TNS4: variants seen among roughly 807,000 people sequenced by gnomAD.
The protein encoded by TNS4 is tensin 4.
A neutral mutation model predicts 70.4 loss-of-function variants in TNS4; 46 were observed. That is an observed-to-expected ratio of 0.65 (90% CI 0.52 to 0.84). The LOEUF is 0.84. TNS4 is among the 40% of genes least tolerant of loss of function. The pLI is 0.00. For synonymous variants in TNS4, 390 were observed against 366.6 expected (o/e 1.06, Z -0.73); for missense variants, 863 against 907.0 (o/e 0.95, Z 0.62).
In TNS4 at chr17:40,477,326, A is replaced by G; in HGVS notation, c.*262T>C. 4.4e-6 allele frequency: 2 copies of G among 451,666 alleles called. No individual in the cohort carries two copies. Among genetic ancestry groups the G allele is most frequent in the Admixed American group, 7.4e-5 (2 of 27,048 alleles). The allele number at this position is 451,666 out of a possible 1,614,324, so 28.0% of individuals were successfully genotyped here. ...TTCAGAATCATGGAGGAGCATGTTC[A>G]AATGCCCACCAGCATCTAAGAACAG... is the stretch of plus-strand genomic sequence containing the variant. On this transcript the variant is annotated 3_prime_UTR_variant, in exon 13 of 13. Coordinates refer to ENST00000254051, the MANE Select transcript of TNS4 (RefSeq NM_032865.6).
Position 40,496,408 on chromosome 17 carries a change from G to A in TNS4, c.18C>T (p.Ser6=). Residue 6 remains serine, a synonymous_variant, in exon 2 of 13, where the codon TCC becomes TCT. Transcript: ENST00000254051. Reference sequence around the variant, plus strand: ...CATGGCCTCCTGCCAGCAGTGGGCTGGACATCACCTGGGACATGGTGGGGG... The same window carrying A: ...CATGGCCTCCTGCCAGCAGTGGGCTAGACATCACCTGGGACATGGTGGGGG... The part of the protein sequence containing the change: MSQVM[S]SPLLAGGHAV... 1 of 1,612,610 alleles carries A rather than the reference G, an allele frequency of 6.2e-7. No homozygotes were observed. Among genetic ancestry groups the A allele is most frequent in the Non-Finnish European group, 8.5e-7 (1 of 1,179,894 alleles).
Position 40,477,468 on chromosome 17 carries a change from C to G in TNS4, c.*120G>C. On this transcript the variant is annotated 3_prime_UTR_variant, in exon 13 of 13. Coordinates refer to ENST00000254051, the MANE Select transcript of TNS4 (RefSeq NM_032865.6). Reference sequence around the variant, plus strand: ...CAAGGGTGTCAACTTGATGCCAATCCCCCTAGTCCCATAGATTGGTCTGTC... The same window carrying G: ...CAAGGGTGTCAACTTGATGCCAATCGCCCTAGTCCCATAGATTGGTCTGTC... 1 of 1,360,860 alleles carries G rather than the reference C, an allele frequency of 7.3e-7. No individual in the cohort carries two copies. 84.3% of individuals were successfully genotyped at this position (1,360,860 alleles called of 1,614,324 possible).
chr17:40,501,491 G>A (rs953117972), intron 1 of TNS4, 43 bp downstream of exon 1: 6 of 151,200 alleles, frequency 4.0e-5, no homozygotes, highest in Non-Finnish European at 7.4e-5. Flanking sequence ...GGCCAGCAAA[G>A]GTGCTCCGTG....
In TNS4 at chr17:40,480,752, A is replaced by T. The variant is rs1373764861; in HGVS notation, c.1689T>A (p.Asp563Glu). The change falls in exon 9 of 13, where the codon GAT becomes GAA. Residue 563 changes from aspartate to glutamate, a missense_variant. Asp to Glu is a conservative substitution (Grantham distance 45). Transcript: ENST00000254051. ...GGCTGTCTGTAGAGTCCGAGGCCCC[A>T]TCTGCACCTCCCAGTTCTGAGCCAA... Reference protein sequence around the residue: ...TIPQRELGGADGASDSTDSPA... With the variant: ...TIPQRELGGAEGASDSTDSPA... 1.2e-6 allele frequency: 2 copies of T among 1,601,146 alleles called. No homozygotes were observed. Among genetic ancestry groups the T allele is most frequent in the African/African-American group, 2.7e-5 (2 of 74,032 alleles).
rs781758030 is a variant in TNS4 at position 40,496,240 on chromosome 17, G to C, written c.186C>G (p.Pro62=). Residue 62 remains proline, a synonymous_variant, in exon 2 of 13, where the codon CCC becomes CCG. Transcript: ENST00000254051. ...GTGGGGCTTGCTGGAGTCGGCCAGG[G>C]GGCCCCATGCAGGGCACGGGGGCCA... ...ALMAPVPCMG[P]PGRLQQAPQV... is the part of the protein sequence containing the mutation. 3.8e-6 allele frequency: 6 copies of C among 1,594,892 alleles called. No homozygotes were observed. Among genetic ancestry groups the C allele is most frequent in the Non-Finnish European group, 5.1e-6 (6 of 1,171,146 alleles).
intron 2 of TNS4, among the ~76,000 whole-genome samples, chr17:40,492,142 C>T (rs1240051728): frequency 2.0e-5 from 3 of 152,164 alleles, no homozygotes; most frequent in East Asian, 1.9e-4. Context: ...TGCCTCCAAA[C>T]GGATGGATTC....
chr17:40,485,875 T>C (rs1328008176), intron 4 of TNS4, among the ~76,000 whole-genome samples: 1 of 152,242 alleles, frequency 6.6e-6, no homozygotes, highest in African/African-American at 2.4e-5. Flanking sequence ...TGATTTGTCC[T>C]AGGAAAGCGA....
intron 10 of TNS4, among the ~76,000 whole-genome samples, 164 bp from the exon 11 acceptor site, chr17:40,478,812 C>T (rs749907): frequency 0.24 from 37,210 of 152,176 alleles, 6,446 homozygotes; most frequent in African/African-American, 0.49. Context: ...GGGGCCCTGG[C>T]GCCCCGCTCC....
chr17:40,481,475 CT>C (rs548763806), intron 8 of TNS4, among the ~76,000 whole-genome samples: 27 of 152,314 alleles, frequency 1.8e-4, no homozygotes, highest in Admixed American at 1.6e-3. Flanking sequence ...AGTGATTCTC[CT>C]GCCTCAGCCT....
intron 5 of TNS4, 45 bp downstream of exon 5, chr17:40,484,876 G>A: frequency 2.5e-6 from 4 of 1,601,166 alleles, no homozygotes; most frequent in East Asian, 2.2e-5. Context: ...GATGCAAAGT[G>A]CAAGACCCAG....
intron 2 of TNS4, among the ~76,000 whole-genome samples, chr17:40,495,681 C>A (rs999549360): frequency 1.3e-5 from 2 of 152,124 alleles, no homozygotes; most frequent in Admixed American, 1.3e-4. Flanking sequence ...TTATTGAGCT[C>A]TTCTTTATGG....
At position 40,496,220 on chromosome 17, in the gene TNS4, G is replaced by T. The variant is rs724159926; in HGVS notation, c.206C>A (p.Ala69Asp). Residue 69 changes from alanine to aspartate, a missense_variant, in exon 2 of 13, where the codon GCC (alanine) becomes GAC (aspartate). Physicochemically the swap from Ala to Asp is moderately radical, Grantham distance 126. Coordinates refer to ENST00000254051, the MANE Select transcript of TNS4 (RefSeq NM_032865.6). ...CMGPPGRLQQ[A>D]PQVEAKATCF... is the part of the protein sequence containing the mutation. ...GGTGGCTTTGGCCTCCACCTGTGGG[G>T]CTTGCTGGAGTCGGCCAGGGGGCCC... The T allele has an allele frequency of 1.3e-6, 2 of 1,598,968 alleles. No individual in the cohort carries two copies. The highest frequency in any genetic ancestry group is 8.5e-7 in the Non-Finnish European group (1 of 1,173,008).
chr17:40,490,899 G>A (rs1316823129), intron 2 of TNS4, among the ~76,000 whole-genome samples: 1 of 152,202 alleles, frequency 6.6e-6, no homozygotes, highest in East Asian at 1.9e-4. Context: ...CCGGGAGCCT[G>A]GCCCATGGTG....
intron 2 of TNS4, among the ~76,000 whole-genome samples, chr17:40,492,492 C>T (rs773991421): frequency 6.6e-6 from 1 of 152,140 alleles, no homozygotes; most frequent in Non-Finnish European, 1.5e-5. Context: ...CCTCAGCCTC[C>T]CAATAGTTGG....
chr17:40,477,822 T>G, intron 12 of TNS4, 93 bp from the exon 13 acceptor site: 1 of 1,234,084 alleles, frequency 8.1e-7, no homozygotes, highest in Non-Finnish European at 1.2e-6. Flanking sequence ...AGCCTGCATC[T>G]CATTCCTCCC....
At chr17:40,485,949 G>T (rs752618595) in intron 4 of TNS4, among the ~76,000 whole-genome samples, 1 of 152,224 alleles carries the variant, frequency 6.6e-6, no homozygotes, top group African/African-American at 2.4e-5. Context: ...ACATGGCTTC[G>T]TGAGTGGGAG....
In TNS4 at chr17:40,496,157, GTCCCCAAGGCCT is replaced by G. The variant is rs1347852840; in HGVS notation, c.257_268del (p.Lys86_Gly89del). The G allele has an allele frequency of 2.5e-6, 4 of 1,610,314 alleles. No individual in the cohort carries two copies. The highest frequency in any genetic ancestry group is 3.4e-6 in the Non-Finnish European group (4 of 1,178,162). ...AATGTAGGAGTCAAGGTCCTCTGGG[GTCCCCAAGGCCT>G]TCTCACCAGGGGACGGCAGGAAGCA... On this transcript the variant is annotated inframe_deletion, in exon 2 of 13. Coordinates refer to ENST00000254051, the MANE Select transcript of TNS4 (RefSeq NM_032865.6).
At chr17:40,490,305 G>C (rs1404478449) in intron 2 of TNS4, among the ~76,000 whole-genome samples, 1 of 152,250 alleles carries the variant, frequency 6.6e-6, no homozygotes, top group Non-Finnish European at 1.5e-5. Context: ...GCAGTGGGCT[G>C]CTCTGAGGTT....
Position 40,496,328 on chromosome 17 carries a change from C to A in TNS4, c.98G>T (p.Ser33Ile). 6.2e-7 allele frequency: 1 copy of A among 1,613,564 alleles called. No individual in the cohort carries two copies. Among genetic ancestry groups the A allele is most frequent in the Non-Finnish European group, 8.5e-7 (1 of 1,179,864 alleles). The change falls in exon 2 of 13, where the codon AGC becomes ATC. Residue 33 changes from serine (S) to isoleucine (I), a missense_variant. Coordinates refer to ENST00000254051, the MANE Select transcript of TNS4 (RefSeq NM_032865.6). ...AGAACACTGGGGTGGCAGGCTGGGGCTGGGTGCTGGGTGCAGGGTCCTCCT... is the reference window on the plus strand; with the variant it reads ...AGAACACTGGGGTGGCAGGCTGGGGATGGGTGCTGGGTGCAGGGTCCTCCT... ...EPRRTLHPAPSPSLPPQCSYY... is the reference protein window; with the variant it reads ...EPRRTLHPAPIPSLPPQCSYY...
Sources: gnomAD v4.1 joint callset for allele counts (sites outside exome capture counted in the v4.1 genomes callset) on GRCh38, gnomAD v4.1.1 for gene constraint, MANE v1.5 for transcripts, NCBI Gene and HGNC (gene_info 2026-07-23, HGNC 2026-07-21) for gene names.